Variants in MON2 observed in about 807,000 individuals in gnomAD.
MON2 encodes MON2 regulator of endosome-to-Golgi trafficking.
Under a neutral mutation model 208.6 loss-of-function variants are expected in MON2, and 84 were observed. The ratio of observed to expected loss-of-function variants is 0.40; its 90% CI spans 0.34 to 0.48. MON2 has a LOEUF of 0.48. MON2 is among the 20% of genes least tolerant of loss of function. The pLI, the probability that MON2 is intolerant of heterozygous loss-of-function variation, is 0.59. For synonymous variants in MON2, 660 were observed against 694.0 expected (o/e 0.95, Z 0.77); for missense variants, 1,611 against 2,015.4 (o/e 0.80, Z 3.84).
rs971258032 is a variant in MON2 at position 62,544,950 on chromosome 12, C to T, written c.2519C>T (p.Thr840Ile). The T allele has an allele frequency of 1.9e-6, 3 of 1,609,182 alleles. No individual in the cohort carries two copies. Among genetic ancestry groups the T allele is most frequent in the Non-Finnish European group, 8.5e-7 (1 of 1,177,806 alleles). The change falls in exon 21 of 35, where the codon ACT (threonine) becomes ATT (isoleucine). Residue 840 changes from threonine to isoleucine, a missense_variant. By Grantham distance (89) the Thr-to-Ile change is moderately conservative (BLOSUM62 -1). Coordinates refer to ENST00000393630, the MANE Select transcript of MON2 (RefSeq NM_015026.3). ...RMREWGAEAL[T>I]SLIKAGLTFN... ...AGAGAATGGGGAGCAGAAGCTTTAA[C>T]TTCTCTTATTAAAGCAGGATTAACA... is the stretch of plus-strand genomic sequence containing the variant.
chr12:62,545,953 A>G (rs2073465134), intron 21 of MON2, among the ~76,000 whole-genome samples: 1 of 152,146 alleles, frequency 6.6e-6, no homozygotes, highest in African/African-American at 2.4e-5. Context: ...GTGCATAGTG[A>G]AAGCTTAGAA....
chr12:62,476,992 A>C lies in MON2; in HGVS notation c.112-7178A>C, dbSNP rs150437229. Among the ~76,000 whole-genome samples the C allele has an allele frequency of 2.6e-3, 393 of 152,256 alleles. 2 individuals are homozygous for C. The highest frequency in any genetic ancestry group is 8.9e-3 in the African/African-American group (369 of 41,562). On this transcript the variant is annotated intron_variant, in intron 1 of 34. Coordinates refer to ENST00000393630, the MANE Select transcript of MON2 (RefSeq NM_015026.3). ...GCAACATAGCAAGACCCCCATCTCTACTAAAAAATTAGCTGGACGTGGTGG... is the reference window on the plus strand; with the variant it reads ...GCAACATAGCAAGACCCCCATCTCTCCTAAAAAATTAGCTGGACGTGGTGG...
At chr12:62,524,395 T>G in intron 8 of MON2, 120 bp from the exon 9 acceptor site, 1 of 735,046 alleles carries the variant, frequency 1.4e-6, no homozygotes, top group Admixed American at 2.8e-5. Context: ...ATTAAGAGTT[T>G]GATTTCTAAT....
rs2136546712 is a variant in MON2 at position 62,598,512 on chromosome 12, A to G, written c.*5763A>G. ...TATTAGGCTTCAGACCCAACTGTGC[A>G]AATTTCATTTGCTTTCCATCTCTTA... On this transcript the variant is annotated 3_prime_UTR_variant, in exon 35 of 35. Transcript: ENST00000393630. 6.6e-6 allele frequency: 1 copy of G among 152,324 alleles called. No individual in the cohort carries two copies. Among genetic ancestry groups the G allele is most frequent in the South Asian group, 2.1e-4 (1 of 4,828 alleles). 9.4% of individuals were successfully genotyped at this position (152,324 alleles called of 1,614,324 possible).
chr12:62,511,992 A>AC (rs35759179), intron 8 of MON2, among the ~76,000 whole-genome samples: 57,121 of 151,040 alleles, frequency 0.38, 11,018 homozygotes, highest in African/African-American at 0.44. Flanking sequence ...ATGCAGGGAA[A>AC]CCCCCCTTTT....
intron 30 of MON2, among the ~76,000 whole-genome samples, chr12:62,572,416 C>G (rs2074626956): frequency 6.6e-6 from 1 of 152,190 alleles, no homozygotes; most frequent in Non-Finnish European, 1.5e-5. Context: ...TTTAATCCTT[C>G]TAGCACAAGT....
intron 2 of MON2, among the ~76,000 whole-genome samples, chr12:62,485,937 C>T (rs1299530577): frequency 6.6e-6 from 1 of 152,058 alleles, no homozygotes; most frequent in Non-Finnish European, 1.5e-5. Flanking sequence ...CTCCTGACCT[C>T]GGGGTTCTCC....
chr12:62,513,704 TGGG>T lies in MON2; in HGVS notation c.984+5225_984+5227del. Among the ~76,000 whole-genome samples, 2 of 122,900 alleles carry T rather than the reference TGGG, an allele frequency of 1.6e-5. 1 individual carries two copies. Among genetic ancestry groups the T allele is most frequent in the Non-Finnish European group, 3.8e-5 (2 of 53,176 alleles). 80.6% of individuals were successfully genotyped at this position (122,900 alleles called of 152,430 possible). ...GCTCACGCCTGTAATCCCAGCACTT[TGGG>T]AGGCTGAGGCAGGCGGGTCATGAGG... On this transcript the variant is annotated intron_variant, in intron 8 of 34. Transcript: ENST00000393630.
At chr12:62,536,220 T>C (rs1324338983) in intron 14 of MON2, among the ~76,000 whole-genome samples, 1 of 109,474 alleles carries the variant, frequency 9.1e-6, no homozygotes, top group Non-Finnish European at 2.0e-5. Flanking sequence ...AAATGGTGAT[T>C]GTTATTTTTT....
intron 2 of MON2, among the ~76,000 whole-genome samples, chr12:62,489,829 C>A (rs11174506): frequency 6.6e-6 from 1 of 152,012 alleles, no homozygotes; most frequent in African/African-American, 2.4e-5. Flanking sequence ...CACTAAAATA[C>A]CTTTTAATGT....
chr12:62,550,396 C>G (rs1036674300), intron 23 of MON2, among the ~76,000 whole-genome samples: 1 of 152,060 alleles, frequency 6.6e-6, no homozygotes, highest in Non-Finnish European at 1.5e-5. Flanking sequence ...GTGGTGCACA[C>G]CTGTAGTCTC....
intron 19 of MON2, among the ~76,000 whole-genome samples, chr12:62,541,773 T>C (rs2136258726): frequency 6.6e-6 from 1 of 152,300 alleles, no homozygotes; most frequent in East Asian, 1.9e-4. Context: ...TTCTAGGTTT[T>C]TGAGTAAGAA....
chr12:62,521,922 G>C (rs2072063585), intron 8 of MON2, among the ~76,000 whole-genome samples: 1 of 152,236 alleles, frequency 6.6e-6, no homozygotes, highest in South Asian at 2.1e-4. Context: ...GCTGGGTGTG[G>C]TGGCTCACGC....
intron 32 of MON2, among the ~76,000 whole-genome samples, chr12:62,581,339 G>T (rs1010855435): frequency 6.6e-6 from 1 of 152,156 alleles, no homozygotes; most frequent in South Asian, 2.1e-4. Flanking sequence ...ATCGCTTGAG[G>T]CCAGTAGTTT....
chr12:62,549,931 G>T, intron 23 of MON2, 101 bp downstream of exon 23: 2 of 668,570 alleles, frequency 3.0e-6, no homozygotes, highest in Non-Finnish European at 4.5e-6. Flanking sequence ...TTTGCAAATT[G>T]TTTATATGGC....
intron 7 of MON2, among the ~76,000 whole-genome samples, chr12:62,503,461 T>G (rs961966644): frequency 6.6e-6 from 1 of 152,230 alleles, no homozygotes; most frequent in African/African-American, 2.4e-5. Context: ...CTGGTCTGCT[T>G]GCATATATGT....
At chr12:62,588,265 CTTCTT>C in intron 34 of MON2, 109 bp downstream of exon 34, 1 of 698,268 alleles carries the variant, frequency 1.4e-6, no homozygotes, top group Non-Finnish European at 2.4e-6. Flanking sequence ...AGTCATTAGA[CTTCTT>C]TTCTCCAGTT....
Position 62,598,448 on chromosome 12 carries a change from A to G in MON2, c.*5699A>G, listed in dbSNP as rs2075569255. ...TACTAGATGGAGAAAAATACTCCATACCTATATTGCAATTTTATTTTTATC... is the reference window on the plus strand; with the variant it reads ...TACTAGATGGAGAAAAATACTCCATGCCTATATTGCAATTTTATTTTTATC... On this transcript the variant is annotated 3_prime_UTR_variant, in exon 35 of 35. Coordinates refer to ENST00000393630, the MANE Select transcript of MON2 (RefSeq NM_015026.3). 3 of 152,100 alleles carry G rather than the reference A, an allele frequency of 2.0e-5. No homozygotes were observed. The allele number at this position is 152,100 out of a possible 1,614,324, so 9.4% of individuals were successfully genotyped here.
Position 62,571,488 on chromosome 12 carries a change from C to G in MON2, c.4420C>G (p.Leu1474Val). 6.2e-7 allele frequency: 1 copy of G among 1,613,906 alleles called. No individual in the cohort carries two copies. The highest frequency in any genetic ancestry group is 8.5e-7 in the Non-Finnish European group (1 of 1,179,826). The stretch of plus-strand genomic sequence containing the variant: ...TCTCCTCAGAGTTCTTTCTATTGGG[C>G]TACCTGTTGCCCGGCAGCATGCTTC... ...SSLLRVLSIG[L>V]PVARQHASSG... The change falls in exon 30 of 35, where the codon CTA becomes GTA. Residue 1474 changes from leucine to valine, a missense_variant. Leu to Val is a conservative substitution (Grantham distance 32). Transcript: ENST00000393630.
Sources: gnomAD v4.1 joint callset for allele counts (sites outside exome capture counted in the v4.1 genomes callset) on GRCh38, gnomAD v4.1.1 for gene constraint, MANE v1.5 for transcripts, NCBI Gene and HGNC (gene_info 2026-07-23, HGNC 2026-07-21) for gene names.